MORC3: variants seen among roughly 807,000 people sequenced by gnomAD.
The protein encoded by MORC3 is MORC family CW-type zinc finger 3.
MORC3 carries 31 observed loss-of-function variants against 109.1 expected under a neutral mutation model. That is an observed-to-expected ratio of 0.28 (90% CI 0.21 to 0.38). The LOEUF is 0.38. Among genes scored for constraint, MORC3 ranks in the 10% least tolerant of loss-of-function variants. The probability of loss-of-function intolerance (pLI) is 1.00; values close to 1 mark genes in which losing one functional copy is unlikely to be tolerated. For missense variants in MORC3, 867 were observed against 1,135.8 expected (o/e 0.76, Z 3.40); for synonymous variants, 395 against 380.7 (o/e 1.04, Z -0.44).
At chr21:36,365,667 C>T (rs903642909) in intron 14 of MORC3, among the ~76,000 whole-genome samples, 5 of 152,088 alleles carry the variant, frequency 3.3e-5, no homozygotes, top group African/African-American at 9.7e-5. Flanking sequence ...ATGCAACCTC[C>T]GACTCCTGGT....
intron 9 of MORC3, among the ~76,000 whole-genome samples, chr21:36,354,323 C>CTTTTTTTTTTTTTTTTTTT (rs144208712): frequency 8.8e-6 from 1 of 113,654 alleles, no homozygotes; most frequent in African/African-American, 3.4e-5. Context: ...TTCTTTCTTT[C>CTTTTTTTTTTTTTTTTTTT]TTTTTTTTTT....
At chr21:36,342,398 T>G (rs2085459611) in intron 6 of MORC3, among the ~76,000 whole-genome samples, 1 of 152,162 alleles carries the variant, frequency 6.6e-6, no homozygotes, top group South Asian at 2.1e-4. Flanking sequence ...TTTTGTTTTT[T>G]TGTTTTTCTT....
intron 8 of MORC3, among the ~76,000 whole-genome samples, chr21:36,346,305 C>T (rs564567757): frequency 5.2e-4 from 79 of 152,330 alleles, no homozygotes; most frequent in Middle Eastern, 3.4e-3. Context: ...AGGCCTGAGG[C>T]AATGCGCTCG....
At chr21:36,323,453 C>G (rs1051489303) in intron 1 of MORC3, among the ~76,000 whole-genome samples, 1 of 152,082 alleles carries the variant, frequency 6.6e-6, no homozygotes, top group Non-Finnish European at 1.5e-5. Context: ...GCCGTAGGTG[C>G]ACAATAATGT....
At chr21:36,320,430 G>C in intron 1 of MORC3, 127 bp downstream of exon 1, 2 of 943,992 alleles carry the variant, frequency 2.1e-6, no homozygotes, top group South Asian at 4.5e-5. Context: ...GGCGGGGCCC[G>C]GGGAGGGGGC....
At chr21:36,355,192 C>T (rs2085632107) in intron 9 of MORC3, among the ~76,000 whole-genome samples, 2 of 152,058 alleles carry the variant, frequency 1.3e-5, no homozygotes, top group Admixed American at 1.3e-4. Context: ...GTCTTATGAC[C>T]CTCCTTGTTA....
At chr21:36,351,578 GTATATCCATT>G (rs1173186854) in intron 9 of MORC3, among the ~76,000 whole-genome samples, 1 of 152,020 alleles carries the variant, frequency 6.6e-6, no homozygotes, top group Non-Finnish European at 1.5e-5. Context: ...TGTCCTCCAG[GTATATCCATT>G]TATATCCATG....
chr21:36,373,114 C>T lies in MORC3; in HGVS notation c.2666+583C>T, dbSNP rs534568534. Among the ~76,000 whole-genome samples the T allele has an allele frequency of 2.8e-4, 43 of 151,944 alleles. No homozygotes were observed. The South Asian group carries it at 5.4e-3, about 19-fold the overall frequency. The stretch of plus-strand genomic sequence containing the variant: ...TAGCACTTTGGGAGGCTGAGTTGGG[C>T]GGATCACCTGAGGTCAGGAGTTCAA... On this transcript the variant is annotated intron_variant, in intron 16 of 16. Coordinates refer to ENST00000400485, the MANE Select transcript of MORC3 (RefSeq NM_015358.3).
At chr21:36,361,995 A>G in intron 12 of MORC3, 188 bp from the exon 13 acceptor site, 2 of 671,762 alleles carry the variant, frequency 3.0e-6, no homozygotes, top group South Asian at 1.8e-5. Flanking sequence ...GTGAGGATGG[A>G]AAAATTCAGG....
At chr21:36,345,408 G>A (rs534852406) in intron 8 of MORC3, among the ~76,000 whole-genome samples, 17 of 151,258 alleles carry the variant, frequency 1.1e-4, no homozygotes, top group African/African-American at 3.2e-4. Context: ...ATGCCACCAC[G>A]CCTGGTTTTT....
chr21:36,369,374 C>A lies in MORC3; in HGVS notation c.2006C>A (p.Pro669His), dbSNP rs1250780948. The A allele has an allele frequency of 2.5e-6, 4 of 1,614,098 alleles. No individual in the cohort carries two copies. The highest frequency in any genetic ancestry group is 3.4e-6 in the Non-Finnish European group (4 of 1,180,018). Reference protein sequence around the residue: ...IDVRNDAVILPSCVEAEAKIH... With the variant: ...IDVRNDAVILHSCVEAEAKIH... ...GTAAGAAATGATGCAGTGATTCTGC[C>A]CTCCTGTGTAGAAGCTGAAGCAAAG... is the stretch of plus-strand genomic sequence containing the variant. The change falls in exon 15 of 17, where the codon CCC becomes CAC. Residue 669 changes from proline (P) to histidine (H), a missense_variant. Pro to His is a moderately conservative substitution (Grantham distance 77, BLOSUM62 -2). Around this residue, in one of 7 missense-constraint regions of MORC3, gnomAD observed 486 missense variants for 502.1 expected, o/e 0.97. Transcript: ENST00000400485.
chr21:36,373,736 C>G (rs959820716), intron 16 of MORC3, among the ~76,000 whole-genome samples: 13 of 152,222 alleles, frequency 8.5e-5, no homozygotes, highest in Admixed American at 3.3e-4. Context: ...TCCGCATTAT[C>G]AGACTAAGGA....
intron 13 of MORC3, among the ~76,000 whole-genome samples, chr21:36,362,577 G>C (rs143163477): frequency 0.01 from 1,534 of 151,934 alleles, 18 homozygotes; most frequent in African/African-American, 0.035. Context: ...GGGTCTCACT[G>C]TGTTGACCAG....
chr21:36,320,343 A>AGGGC (rs1289276733), intron 1 of MORC3, 40 bp downstream of exon 1: 3 of 1,098,272 alleles, frequency 2.7e-6, no homozygotes, highest in Non-Finnish European at 2.4e-6. Flanking sequence ...GTGTCCCAGG[A>AGGGC]GGGCGGGCGG....
chr21:36,342,506 A>C (rs2146305800), intron 6 of MORC3, among the ~76,000 whole-genome samples: 1 of 152,052 alleles, frequency 6.6e-6, no homozygotes, highest in East Asian at 2.0e-4. Flanking sequence ...GGCCCCAAGC[A>C]ATCCTTCCAC....
rs1479642768 is a variant in MORC3, at chr21:36,370,616, T to C, written c.2508+740T>C. Reference sequence around the variant, plus strand: ...TTTGATTAATATACATACATACATATATATATATATATATATATATATATT... The same window carrying C: ...TTTGATTAATATACATACATACATACATATATATATATATATATATATATT... On this transcript the variant is annotated intron_variant, in intron 15 of 16. Coordinates refer to ENST00000400485, the MANE Select transcript of MORC3 (RefSeq NM_015358.3). Among the ~76,000 whole-genome samples, 56 of 30,150 alleles carry C rather than the reference T, an allele frequency of 1.9e-3. No individual in the cohort carries two copies. In the South Asian group the frequency reaches 0.047, roughly 25 times the overall value. 19.8% of individuals were successfully genotyped at this position (30,150 alleles called of 152,430 possible).
intron 6 of MORC3, among the ~76,000 whole-genome samples, chr21:36,343,355 A>G (rs1424184410): frequency 6.6e-6 from 1 of 152,080 alleles, no homozygotes; most frequent in Non-Finnish European, 1.5e-5. Context: ...CGGCCTCACA[A>G]AGTGTTGGGA....
chr21:36,335,552 G>GT (rs2085366803), intron 2 of MORC3, among the ~76,000 whole-genome samples: 1 of 152,094 alleles, frequency 6.6e-6, no homozygotes, highest in South Asian at 2.1e-4. Context: ...CTGACCTCAG[G>GT]TGATCCACCC....
chr21:36,346,172 C>T (rs909681772), intron 8 of MORC3, among the ~76,000 whole-genome samples: 4 of 152,154 alleles, frequency 2.6e-5, no homozygotes, highest in Non-Finnish European at 5.9e-5. Flanking sequence ...TGGCGTGTGC[C>T]GCTATGCCAG....
Sources: gnomAD v4.1 joint callset for allele counts (sites outside exome capture counted in the v4.1 genomes callset) on GRCh38, gnomAD v4.1.1 for gene constraint, gnomAD v4.1.1 regional missense constraint, MANE v1.5 for transcripts, NCBI Gene and HGNC (gene_info 2026-07-23, HGNC 2026-07-21) for gene names.